The following BABAM2 variants were observed in gnomAD, a reference collection of about 807,000 sequenced individuals.
BABAM2 encodes BRISC and BRCA1 A complex member 2, also known as BRISC and BRCA1-A complex member 2.
Under a neutral mutation model 54.7 loss-of-function variants are expected in BABAM2, and 31 were observed. That is an observed-to-expected ratio of 0.57 (90% CI 0.43 to 0.77). The LOEUF (loss-of-function observed/expected upper bound fraction) is 0.77, where lower values mean the gene tolerates loss of function less well. Among genes scored for constraint, BABAM2 ranks in the 30% least tolerant of loss-of-function variants. The pLI is 0.00. For missense variants in BABAM2, 364 were observed against 455.8 expected, an observed-to-expected ratio of 0.80 and a Z score of 1.83; for synonymous variants, 167 against 162.9, an observed-to-expected ratio of 1.03 and a Z score of -0.19.
chr2:28,139,655 G>C (rs1670875958), intron 7 of BABAM2, among the ~76,000 whole-genome samples: 1 of 152,144 alleles, frequency 6.6e-6, no homozygotes, highest in Non-Finnish European at 1.5e-5. Flanking sequence ...TATCCAGTTA[G>C]CCATATTGCT....
intron 2 of BABAM2, among the ~76,000 whole-genome samples, chr2:27,900,497 A>G (rs1242324161): frequency 1.3e-5 from 2 of 152,082 alleles, no homozygotes; most frequent in African/African-American, 4.8e-5. Context: ...TTAAGGGCCA[A>G]GTTCTTGTTT....
At chr2:28,190,669 A>T (rs932508117) in intron 7 of BABAM2, among the ~76,000 whole-genome samples, 7 of 152,152 alleles carry the variant, frequency 4.6e-5, no homozygotes, top group Non-Finnish European at 7.4e-5. Context: ...CCTGGGCAAC[A>T]AGGCAAAACT....
chr2:28,045,950 T>C (rs1677526560), intron 6 of BABAM2, 151 bp downstream of exon 6: 2 of 601,814 alleles, frequency 3.3e-6, no homozygotes, highest in Admixed American at 6.9e-5. Context: ...TTGAGCTGTT[T>C]TGCTGCCTAA....
At chr2:28,045,365 A>G (rs1199529901) in intron 5 of BABAM2, among the ~76,000 whole-genome samples, 1 of 152,196 alleles carries the variant, frequency 6.6e-6, no homozygotes, top group African/African-American at 2.4e-5. Context: ...ATAAAAACAA[A>G]TGAATCAAAG....
At chr2:28,164,298 G>T (rs572414246) in intron 7 of BABAM2, among the ~76,000 whole-genome samples, 38 of 152,250 alleles carry the variant, frequency 2.5e-4, no homozygotes, top group African/African-American at 8.7e-4. Context: ...ACAACCGAAT[G>T]AGAGTTGCCC....
intron 6 of BABAM2, among the ~76,000 whole-genome samples, chr2:28,074,588 A>C (rs1328478562): frequency 6.6e-6 from 1 of 152,070 alleles, no homozygotes; most frequent in Non-Finnish European, 1.5e-5. Flanking sequence ...TACTTCCCTA[A>C]CCCCTATATG....
At position 28,070,551 on chromosome 2, in the gene BABAM2, C is replaced by CTTTT. The variant is rs779324534; in HGVS notation, c.570+24753_570+24756dup. On this transcript the variant is annotated intron_variant, in intron 6 of 11. Coordinates refer to ENST00000379624, the MANE Select transcript of BABAM2 (RefSeq NM_199191.3). ...CTGCTGCAGTCTTTGAAGTACTTTT[C>CTTTT]TTTTCTTTTTTTTTTTGAGACGGAG... Among the ~76,000 whole-genome samples the CTTTT allele has an allele frequency of 3.7e-4, 32 of 85,866 alleles. 1 individual carries two copies. The highest frequency in any genetic ancestry group is 1.3e-3 in the South Asian group (3 of 2,360). 56.3% of individuals were successfully genotyped at this position (85,866 alleles called of 152,430 possible). A position where few individuals can be genotyped will look rare whatever the true frequency, so the allele number is the denominator to read the frequency against.
chr2:28,236,182 A>C (rs1355935239), intron 7 of BABAM2, among the ~76,000 whole-genome samples: 1 of 152,178 alleles, frequency 6.6e-6, no homozygotes, highest in Non-Finnish European at 1.5e-5. Flanking sequence ...TATATGCATT[A>C]AAATGAAATT....
At chr2:27,943,770 T>C (rs1669097816) in intron 3 of BABAM2, among the ~76,000 whole-genome samples, 1 of 152,228 alleles carries the variant, frequency 6.6e-6, no homozygotes. Flanking sequence ...ACTTAAAGAT[T>C]GTTATTATCT....
intron 6 of BABAM2, among the ~76,000 whole-genome samples, chr2:28,072,158 T>C (rs1664201313): frequency 6.6e-6 from 1 of 151,906 alleles, no homozygotes; most frequent in South Asian, 2.1e-4. Context: ...AGCACTGGGA[T>C]TACAGATGTG....
intron 6 of BABAM2, among the ~76,000 whole-genome samples, chr2:28,050,086 A>C (rs1458784675): frequency 6.6e-6 from 1 of 152,232 alleles, no homozygotes; most frequent in Non-Finnish European, 1.5e-5. Context: ...TAAAGGCAGC[A>C]GCTGCTATAC....
intron 6 of BABAM2, among the ~76,000 whole-genome samples, chr2:28,087,880 C>T (rs1042088071): frequency 3.9e-5 from 6 of 152,106 alleles, no homozygotes; most frequent in Admixed American, 3.9e-4. Context: ...AAACTTCTGA[C>T]GTCAAGTGAT....
chr2:27,892,476 T>C (rs1048847576), intron 1 of BABAM2: 1 of 152,174 alleles, frequency 6.6e-6, no homozygotes, highest in Non-Finnish European at 1.5e-5. Context: ...TTTTATAAGA[T>C]AGGTATATTT....
At chr2:28,192,514 G>C (rs1346352744) in intron 7 of BABAM2, among the ~76,000 whole-genome samples, 1 of 141,392 alleles carries the variant, frequency 7.1e-6, no homozygotes, top group Non-Finnish European at 1.5e-5. Flanking sequence ...TGGGTTTATA[G>C]CTCTTTTTTT....
intron 11 of BABAM2, among the ~76,000 whole-genome samples, chr2:28,320,048 G>A (rs1040050589): frequency 1.3e-5 from 2 of 152,120 alleles, no homozygotes; most frequent in African/African-American, 4.8e-5. Context: ...CAGTGTTGTG[G>A]TCAGATCCGA....
chr2:28,101,311 C>T (rs1164509525), intron 6 of BABAM2, among the ~76,000 whole-genome samples: 2 of 152,142 alleles, frequency 1.3e-5, no homozygotes, highest in African/African-American at 2.4e-5. Context: ...ACAGCTGACA[C>T]AACAGGGTTA....
At chr2:27,898,114 T>G (rs1665487761) in intron 2 of BABAM2, among the ~76,000 whole-genome samples, 1 of 152,238 alleles carries the variant, frequency 6.6e-6, no homozygotes, top group Admixed American at 6.5e-5. Context: ...CTCTTCAGGT[T>G]TTCCCACACT....
chr2:28,183,165 G>A (rs552599859), intron 7 of BABAM2, among the ~76,000 whole-genome samples: 220 of 152,296 alleles, frequency 1.4e-3, no homozygotes, highest in African/African-American at 4.4e-3. Flanking sequence ...ATGGTCAGGC[G>A]TGGTGGCTCA....
chr2:27,943,605 A>G (rs1669087978), intron 3 of BABAM2, among the ~76,000 whole-genome samples: 2 of 152,230 alleles, frequency 1.3e-5, no homozygotes, highest in Non-Finnish European at 2.9e-5. Context: ...GTCTGCAAGA[A>G]TGCTTGCAAG....
Sources: allele counts gnomAD v4.1 joint callset (sites outside exome capture counted in the v4.1 genomes callset), GRCh38; gene constraint gnomAD v4.1.1; transcripts MANE v1.5; gene names NCBI Gene and HGNC (gene_info 2026-07-23, HGNC 2026-07-21).